Variants in ASIC2 observed in about 807,000 individuals in gnomAD.
ASIC2 encodes the protein acid sensing ion channel subunit 2.
A neutral mutation model predicts 57.3 loss-of-function variants in ASIC2; 25 were observed. That is an observed-to-expected ratio of 0.44 (90% CI 0.32 to 0.61). ASIC2 has a LOEUF of 0.61. ASIC2 is among the 20% of genes least tolerant of loss of function. The pLI, the probability that ASIC2 is intolerant of heterozygous loss-of-function variation, is 0.06. For missense variants in ASIC2, 641 were observed against 738.1 expected, an observed-to-expected ratio of 0.87 and a Z score of 1.52; for synonymous variants, 319 against 307.5, an observed-to-expected ratio of 1.04 and a Z score of -0.39.
At chr17:33,984,232 C>T (rs748427429) in intron 1 of ASIC2, 1 of 152,272 alleles carries the variant, frequency 6.6e-6, no homozygotes, top group South Asian at 2.1e-4. Context: ...TTTCTCTCCT[C>T]CCAGGGATAA....
intron 1 of ASIC2, among the ~76,000 whole-genome samples, chr17:33,520,613 G>C (rs1184811577): frequency 1.3e-5 from 2 of 152,236 alleles, no homozygotes; most frequent in Admixed American, 6.5e-5. Flanking sequence ...GAGAGACCAC[G>C]AGAGGGCGGC....
chr17:33,061,804 G>A (rs1166341792), intron 3 of ASIC2, among the ~76,000 whole-genome samples: 1 of 152,074 alleles, frequency 6.6e-6, no homozygotes, highest in Non-Finnish European at 1.5e-5. Flanking sequence ...ACTTTTTTTG[G>A]TTGGTAAGCT....
At chr17:33,017,794 G>A in intron 7 of ASIC2, 110 bp from the exon 8 acceptor site, 2 of 983,254 alleles carry the variant, frequency 2.0e-6, no homozygotes, top group Admixed American at 2.2e-5. Context: ...TCCATGGGGA[G>A]CCTGGGCCTT....
At chr17:33,650,260 T>G (rs1906877230) in intron 1 of ASIC2, among the ~76,000 whole-genome samples, 1 of 151,930 alleles carries the variant, frequency 6.6e-6, no homozygotes, top group Admixed American at 6.6e-5. Flanking sequence ...ATTAGGAAAA[T>G]GCAAATTAAA....
chr17:33,042,715 C>T (rs1319583900), intron 3 of ASIC2, among the ~76,000 whole-genome samples: 1 of 152,146 alleles, frequency 6.6e-6, no homozygotes, highest in African/African-American at 2.4e-5. Flanking sequence ...TTTTTGCAAC[C>T]ACCTGAGACT....
At chr17:34,111,598 A>T (rs755946040) in intron 1 of ASIC2, among the ~76,000 whole-genome samples, 2 of 152,144 alleles carry the variant, frequency 1.3e-5, no homozygotes, top group Non-Finnish European at 2.9e-5. Flanking sequence ...AGCCTTTGAC[A>T]CTTATTGTTT....
At chr17:33,084,070 C>T (rs2092124719) in intron 3 of ASIC2, among the ~76,000 whole-genome samples, 1 of 151,962 alleles carries the variant, frequency 6.6e-6, no homozygotes. Flanking sequence ...TATAAGCATC[C>T]CATGCCAGCT....
At chr17:34,018,037 C>T (rs538797465) in intron 1 of ASIC2, among the ~76,000 whole-genome samples, 19 of 152,288 alleles carry the variant, frequency 1.2e-4, no homozygotes, top group African/African-American at 3.9e-4. Context: ...TGGAATAAGA[C>T]ACCATCTAGG....
intron 1 of ASIC2, among the ~76,000 whole-genome samples, chr17:33,288,091 A>C (rs1180740825): frequency 6.6e-6 from 1 of 152,152 alleles, no homozygotes; most frequent in Non-Finnish European, 1.5e-5. Context: ...CAGCAAGTAC[A>C]TCAGATATGA....
intron 1 of ASIC2, among the ~76,000 whole-genome samples, chr17:33,670,101 G>C (rs1210878126): frequency 6.6e-6 from 1 of 152,170 alleles, no homozygotes. Flanking sequence ...CCCTGGCACA[G>C]AGCACAGAGC....
chr17:34,106,012 T>C (rs1299690100), intron 1 of ASIC2, among the ~76,000 whole-genome samples: 1 of 152,128 alleles, frequency 6.6e-6, no homozygotes, highest in Non-Finnish European at 1.5e-5. Context: ...CACAGGATCC[T>C]ATCTAGTTGT....
intron 1 of ASIC2, among the ~76,000 whole-genome samples, chr17:33,235,765 CCA>C (rs1472286692): frequency 6.6e-6 from 1 of 152,114 alleles, no homozygotes; most frequent in Non-Finnish European, 1.5e-5. Flanking sequence ...TGGATCAGAC[CCA>C]GAGTCACACC....
At chr17:34,096,693 A>C (rs1349437554) in intron 1 of ASIC2, among the ~76,000 whole-genome samples, 1 of 151,766 alleles carries the variant, frequency 6.6e-6, no homozygotes, top group African/African-American at 2.4e-5. Flanking sequence ...TCTCTACTAA[A>C]AAAATACAAA....
At chr17:33,867,668 T>C (rs1914278024) in intron 1 of ASIC2, among the ~76,000 whole-genome samples, 1 of 152,252 alleles carries the variant, frequency 6.6e-6, no homozygotes, top group African/African-American at 2.4e-5. Flanking sequence ...GAGATTTCTC[T>C]CCTTGGGTAA....
intron 1 of ASIC2, among the ~76,000 whole-genome samples, chr17:33,550,869 G>A (rs1042196106): frequency 1.3e-5 from 2 of 152,164 alleles, no homozygotes; most frequent in African/African-American, 2.4e-5. Context: ...TGATGGTGGA[G>A]AGGAGACTAC....
chr17:33,927,552 TG>T (rs1303337597), intron 1 of ASIC2, among the ~76,000 whole-genome samples: 7 of 152,356 alleles, frequency 4.6e-5, no homozygotes, highest in African/African-American at 1.7e-4. Flanking sequence ...GATCTGCTGC[TG>T]CCTTGATCCT....
chr17:33,249,414 T>C lies in ASIC2; in HGVS notation c.708+41994A>G, dbSNP rs28566921. Among the ~76,000 whole-genome samples the C allele has an allele frequency of 7.2e-5, 11 of 152,190 alleles. No homozygotes were observed. In the South Asian group the frequency reaches 2.1e-3, roughly 29 times the overall value. Reference sequence around the variant, plus strand: ...GGCATGGAGACAGTACTTACAGCCATGGGACTGGAGGAGATGAGCAAGGGA... The same window carrying C: ...GGCATGGAGACAGTACTTACAGCCACGGGACTGGAGGAGATGAGCAAGGGA... On this transcript the variant is annotated intron_variant, in intron 1 of 9. Transcript: ENST00000225823.
At chr17:33,037,199 A>C (rs986472656) in intron 3 of ASIC2, among the ~76,000 whole-genome samples, 1 of 151,762 alleles carries the variant, frequency 6.6e-6, no homozygotes, top group African/African-American at 2.4e-5. Flanking sequence ...TGAACACACA[A>C]TCTGGATTTT....
intron 1 of ASIC2, among the ~76,000 whole-genome samples, chr17:33,375,044 T>C (rs1909226641): frequency 6.6e-6 from 1 of 152,204 alleles, no homozygotes; most frequent in African/African-American, 2.4e-5. Flanking sequence ...GTTTTTAAAA[T>C]GCTCCTTAGG....
Sources: allele counts gnomAD v4.1 joint callset (sites outside exome capture counted in the v4.1 genomes callset), GRCh38; gene constraint gnomAD v4.1.1; transcripts MANE v1.5; gene names NCBI Gene and HGNC (gene_info 2026-07-23, HGNC 2026-07-21).